The following SLC19A1 variants were observed in gnomAD, a reference collection of about 807,000 sequenced individuals.
SLC19A1 encodes solute carrier family 19 member 1, also known as reduced folate transporter.
In SLC19A1, 37 loss-of-function variants were observed where a neutral mutation model predicts 35.3. The observed-to-expected ratio is 1.05, with a 90% confidence interval of 0.81 to 1.38. The LOEUF is 1.38. SLC19A1 is among the 40% of genes most tolerant of loss of function. The pLI is 0.00. For synonymous variants in SLC19A1, 460 were observed against 398.5 expected (o/e 1.15, Z -1.84); for missense variants, 831 against 826.9 (o/e 1.00, Z -0.06).
At chr21:45,536,401 G>C (rs2078113716) in intron 2 of SLC19A1, 1 of 152,562 alleles carries the variant, frequency 6.6e-6, no homozygotes, top group South Asian at 2.1e-4. Flanking sequence ...TGGTCAGTGG[G>C]TGGCAGGGAG....
chr21:45,540,501 T>C lies in SLC19A1; in HGVS notation c.-50+1867A>G, dbSNP rs1437555741. On this transcript the variant is annotated intron_variant, in intron 1 of 5. Coordinates refer to ENST00000311124, the MANE Select transcript of SLC19A1 (RefSeq NM_194255.4). This position sits in a 1 kb window ranked among gnomAD's most constrained non-coding sequence, Gnocchi z 5.5. ...CTTCCTTGGAGAGACAGCCAGAGTCTCCGCCAGCAAGGGGCTGCTGCTGGT... is the reference window on the plus strand; with the variant it reads ...CTTCCTTGGAGAGACAGCCAGAGTCCCCGCCAGCAAGGGGCTGCTGCTGGT... 6.6e-6 allele frequency among the ~76,000 whole-genome samples: 1 copy of C among 152,118 alleles called. No homozygotes were observed. Among genetic ancestry groups the C allele is most frequent in the Non-Finnish European group, 1.5e-5 (1 of 68,012 alleles).
chr21:45,512,930 T>C lies in SLC19A1; in HGVS notation c.*2728A>G, dbSNP rs560265269. The C allele has an allele frequency of 1.1e-3, 219 of 191,600 alleles. No individual in the cohort carries two copies. Among genetic ancestry groups the C allele is most frequent in the African/African-American group, 5.0e-3 (213 of 42,412 alleles). The allele number at this position is 191,600 out of a possible 1,614,324, so 11.9% of individuals were successfully genotyped here. On this transcript the variant is annotated 3_prime_UTR_variant, in exon 6 of 6. Coordinates refer to ENST00000311124, the MANE Select transcript of SLC19A1 (RefSeq NM_194255.4). ...TAGATGGGAGGGAGGCTCAGGTCCCTGGGGCTAGGGGGAGCCCCTTCTGCT... is the reference window on the plus strand; with the variant it reads ...TAGATGGGAGGGAGGCTCAGGTCCCCGGGGCTAGGGGGAGCCCCTTCTGCT...
intron 3 of SLC19A1, among the ~76,000 whole-genome samples, chr21:45,503,763 G>A (rs1458702899): frequency 1.3e-5 from 2 of 151,718 alleles, no homozygotes; most frequent in East Asian, 3.9e-4. Flanking sequence ...TCATGCACAT[G>A]TACCCTAAAA....
intron 1 of SLC19A1, among the ~76,000 whole-genome samples, chr21:45,557,235 G>C (rs993376645): frequency 1.3e-5 from 2 of 152,228 alleles, no homozygotes; most frequent in Non-Finnish European, 2.9e-5. Context: ...TAGAGAACCC[G>C]AGGCCAGAGC....
At chr21:45,506,322 C>T in intron 3 of SLC19A1, 1 of 365,728 alleles carries the variant, frequency 2.7e-6, no homozygotes, top group South Asian at 2.2e-5. Flanking sequence ...CCCTCCAGGG[C>T]CACGTGACGT....
chr21:45,531,591 T>G lies in SLC19A1; in HGVS notation c.747A>C (p.Ser249=). The G allele has an allele frequency of 6.2e-7, 1 of 1,612,370 alleles. No homozygotes were observed. ...GHALRVACGD[S]VLARMLRELG... ...GCTCCCGCAGCATCCGCGCCAGCAC[T>G]GAGTCCCCACAGGCCACCCGCAGGG... Residue 249 remains serine (S), a synonymous_variant, in exon 3 of 6, where the codon TCA becomes TCC. Transcript: ENST00000311124.
intron 3 of SLC19A1, chr21:45,505,031 T>C: frequency 6.9e-7 from 1 of 1,454,738 alleles, no homozygotes; most frequent in Non-Finnish European, 9.3e-7. Flanking sequence ...ACTCAGAGGC[T>C]GCGCTCGCCA....
At chr21:45,505,698 A>C in intron 3 of SLC19A1, 2 of 740,674 alleles carry the variant, frequency 2.7e-6, no homozygotes, top group Admixed American at 2.1e-5. Context: ...CATGGTGCTC[A>C]TGGGGGCAGC....
In SLC19A1 at chr21:45,533,473, T is replaced by A. The variant is rs2078004386; in HGVS notation, c.190-1325A>T. Among the ~76,000 whole-genome samples, 1 of 152,040 alleles carries A rather than the reference T, an allele frequency of 6.6e-6. No individual in the cohort carries two copies. The highest frequency in any genetic ancestry group is 1.5e-5 in the Non-Finnish European group (1 of 67,942). On this transcript the variant is annotated intron_variant, in intron 2 of 5. Transcript: ENST00000311124. This position sits in a 1 kb window ranked among gnomAD's most constrained non-coding sequence, Gnocchi z 4.5. ...CCCCACCCCTGTGAGGCCAAGCCGC[T>A]TGCCTTGCCCCTCCCTGGGGACTGA...
chr21:45,514,970 C>A lies in SLC19A1; in HGVS notation c.*688G>T. On this transcript the variant is annotated 3_prime_UTR_variant, in exon 6 of 6. Coordinates refer to ENST00000311124, the MANE Select transcript of SLC19A1 (RefSeq NM_194255.4). The stretch of plus-strand genomic sequence containing the variant: ...ACAAGTGTGGGAGCAGCTGAGGACC[C>A]GCAGGTCAGGATGGACACACTTCAG... 1 of 1,489,000 alleles carries A rather than the reference C, an allele frequency of 6.7e-7. No individual in the cohort carries two copies. Among genetic ancestry groups the A allele is most frequent in the Non-Finnish European group, 8.9e-7 (1 of 1,123,034 alleles). The allele number at this position is 1,489,000 out of a possible 1,614,324, so 92.2% of individuals were successfully genotyped here.
rs112530407 is a variant in SLC19A1, at chr21:45,531,582, C to T, written c.756G>A (p.Ala252=). 2.0e-5 allele frequency: 32 copies of T among 1,612,390 alleles called. No individual in the cohort carries two copies. The South Asian group carries it at 2.3e-4, about 12-fold the overall frequency. Residue 252 remains alanine (A), a synonymous_variant, in exon 3 of 6, where the codon GCG becomes GCA. Coordinates refer to ENST00000311124, the MANE Select transcript of SLC19A1 (RefSeq NM_194255.4). The stretch of plus-strand genomic sequence containing the variant: ...TGTCCCCCAGCTCCCGCAGCATCCG[C>T]GCCAGCACTGAGTCCCCACAGGCCA... ...LRVACGDSVL[A]RMLRELGDSL... is the part of the protein sequence containing the mutation.
At chr21:45,506,068 G>A in intron 3 of SLC19A1, 3 of 1,554,134 alleles carry the variant, frequency 1.9e-6, no homozygotes, top group Non-Finnish European at 2.6e-6. Flanking sequence ...AGGGATGGGA[G>A]CAGGTGGCAG....
chr21:45,511,257 G>A (rs775005424), downstream of SLC19A1: 3 of 1,256,642 alleles, frequency 2.4e-6, no homozygotes, highest in Non-Finnish European at 1.1e-6. Context: ...GAGCAGCTCT[G>A]AGAGCCCCAG....
chr21:45,504,074 G>C, intron 3 of SLC19A1: 1 of 1,613,356 alleles, frequency 6.2e-7, no homozygotes, highest in Non-Finnish European at 8.5e-7. Context: ...CTCCCTGTGG[G>C]GTTGGGGGCC....
At chr21:45,526,793 A>G (rs1311009000) in intron 4 of SLC19A1, among the ~76,000 whole-genome samples, 1 of 152,208 alleles carries the variant, frequency 6.6e-6, no homozygotes, top group African/African-American at 2.4e-5. Flanking sequence ...GCTGGTCTCG[A>G]GCTCCTGGCC....
chr21:45,505,435 AGT>A lies in SLC19A1; in HGVS notation c.498-6825_498-6824del, dbSNP rs762704578. 1.8e-5 allele frequency: 27 copies of A among 1,522,318 alleles called. 1 individual carries two copies. In the South Asian group the frequency reaches 3.1e-4, roughly 18 times the overall value. The allele number at this position is 1,522,318 out of a possible 1,614,324, so 94.3% of individuals were successfully genotyped here. On this transcript the variant is annotated intron_variant, in intron 3 of 4. Coordinates refer to the SLC19A1 transcript ENST00000417954. ...AACCATGGGCGCCTCCTCAGGGGTA[AGT>A]GTCTGGGCAGCCGGCTGGGCACCTG...
Position 45,531,888 on chromosome 21 carries a change from C to G in SLC19A1, c.450G>C (p.Gln150His). 2 of 1,587,840 alleles carry G rather than the reference C, an allele frequency of 1.3e-6. No individual in the cohort carries two copies. The highest frequency in any genetic ancestry group is 1.7e-6 in the Non-Finnish European group (2 of 1,167,790). ...IFSLVRPARY[Q>H]RVAGYSRAAV... ...CAGCGCGCGAGTAGCCGGCCACACG[C>G]TGGTAGCGCGCGGGCCGCACGAGAG... Residue 150 changes from glutamine to histidine, a missense_variant, in exon 3 of 6, where the codon CAG becomes CAC. Transcript: ENST00000311124.
In SLC19A1 at chr21:45,515,483, G is replaced by A. The variant is rs1211399505; in HGVS notation, c.*175C>T. 4 of 1,499,878 alleles carry A rather than the reference G, an allele frequency of 2.7e-6. No individual in the cohort carries two copies. Among genetic ancestry groups the A allele is most frequent in the Non-Finnish European group, 3.5e-6 (4 of 1,137,182 alleles). The allele number at this position is 1,499,878 out of a possible 1,614,324, so 92.9% of individuals were successfully genotyped here. A position where few individuals can be genotyped will look rare whatever the true frequency, so the allele number is the denominator to read the frequency against. On this transcript the variant is annotated 3_prime_UTR_variant, in exon 6 of 6. Transcript: ENST00000311124. The stretch of plus-strand genomic sequence containing the variant: ...GCATGGCCAGGCAGCTGCCCTGAGT[G>A]TCGCCAGCACGCTGTGGCCACCGCC...
chr21:45,529,023 G>A (rs2077750846), intron 4 of SLC19A1, among the ~76,000 whole-genome samples: 1 of 152,256 alleles, frequency 6.6e-6, no homozygotes, highest in South Asian at 2.1e-4. Flanking sequence ...CAGAGGCCCT[G>A]GCCCTTTCCA....
Sources: allele counts gnomAD v4.1 joint callset (sites outside exome capture counted in the v4.1 genomes callset), GRCh38; gene constraint gnomAD v4.1.1; non-coding constraint Gnocchi (gnomAD v3.1); transcripts MANE v1.5; gene names NCBI Gene and HGNC (gene_info 2026-07-23, HGNC 2026-07-21).